Variants in TMED3 observed in about 807,000 individuals in gnomAD.
TMED3 encodes the protein transmembrane emp24 domain-containing protein 3.
TMED3 carries 9 observed loss-of-function variants against 15.0 expected under a neutral mutation model. That is an observed-to-expected ratio of 0.60 (90% confidence interval 0.36 to 1.04). The LOEUF (loss-of-function observed/expected upper bound fraction) is 1.04, where lower values mean the gene tolerates loss of function less well. TMED3 is among the 50% of genes least tolerant of loss of function. TMED3 has a pLI of 0.01. For synonymous variants in TMED3, 117 were observed against 121.4 expected (o/e 0.96, Z 0.24); for missense variants, 267 against 278.9 (o/e 0.96, Z 0.30).
Position 79,311,339 on chromosome 15 carries a change from C to A in TMED3, c.90C>A (p.Thr30=). 6.2e-7 allele frequency: 1 copy of A among 1,611,490 alleles called. No homozygotes were observed. Among genetic ancestry groups the A allele is most frequent in the Non-Finnish European group, 8.5e-7 (1 of 1,179,316 alleles). ...RAEQPCGAEL[T]FELPDNAKQC... is the part of the protein sequence containing the mutation. ...AGCAGCCCTGCGGGGCCGAGCTCAC[C>A]TTCGAGCTGCCGGACAACGCCAAGC... The change falls in exon 1 of 3, where the codon ACC becomes ACA. Residue 30 remains threonine (T), a synonymous_variant. Coordinates refer to ENST00000299705, the MANE Select transcript of TMED3 (RefSeq NM_007364.4).
intron 2 of TMED3, among the ~76,000 whole-genome samples, chr15:79,393,833 C>G (rs1595909853): frequency 6.6e-6 from 1 of 152,242 alleles, no homozygotes; most frequent in East Asian, 1.9e-4. Flanking sequence ...GTATCTGGGA[C>G]CGCAGGTGCA....
At chr15:79,311,502 C>A in intron 1 of TMED3, 85 bp downstream of exon 1, 1 of 1,457,788 alleles carries the variant, frequency 6.9e-7, no homozygotes, top group East Asian at 2.5e-5. Flanking sequence ...ACTGGAGGCG[C>A]TCGAATTAGC....
At chr15:79,398,891 A>G (rs1267534975) in intron 2 of TMED3, among the ~76,000 whole-genome samples, 1 of 152,074 alleles carries the variant, frequency 6.6e-6, no homozygotes, top group Non-Finnish European at 1.5e-5. Flanking sequence ...CAGTCTACCA[A>G]TTTAAATGTT....
At chr15:79,381,693 T>C (rs16970893) in intron 2 of TMED3, among the ~76,000 whole-genome samples, 1,833 of 152,310 alleles carry the variant, frequency 0.012, 83 homozygotes, top group East Asian at 0.11. Context: ...GGCTTGGTCT[T>C]ATTAGAGCTA....
At chr15:79,393,083 T>A (rs1055012501) in intron 2 of TMED3, among the ~76,000 whole-genome samples, 1 of 152,224 alleles carries the variant, frequency 6.6e-6, no homozygotes, top group African/African-American at 2.4e-5. Flanking sequence ...AGGTTTTAGT[T>A]CAGTTATTTT....
intron 2 of TMED3, among the ~76,000 whole-genome samples, chr15:79,406,609 C>G (rs1311572526): frequency 6.6e-6 from 1 of 152,198 alleles, no homozygotes; most frequent in African/African-American, 2.4e-5. Context: ...CTCAAGGAAG[C>G]AATAGGTCCT....
At chr15:79,393,099 T>C (rs1291469133) in intron 2 of TMED3, among the ~76,000 whole-genome samples, 1 of 152,274 alleles carries the variant, frequency 6.6e-6, no homozygotes, top group Non-Finnish European at 1.5e-5. Flanking sequence ...ATTTTCCATT[T>C]CTTCTTTATT....
In TMED3 at chr15:79,354,335, A is replaced by G. The variant is rs191100878; in HGVS notation, c.417+40330A>G. 1.6e-3 allele frequency among the ~76,000 whole-genome samples: 249 copies of G among 152,282 alleles called. 4 individuals carry two copies. The highest frequency in any genetic ancestry group is 5.8e-3 in the African/African-American group (240 of 41,560). ...ATCTAGAACATCCAAGTCCTTGACC[A>G]ACAGTTTCCTTAAGTACAGTGAGCC... On this transcript the variant is annotated intron_variant, in intron 2 of 2. Coordinates refer to the TMED3 transcript ENST00000424155.
At chr15:79,371,060 C>T (rs1387016306) in intron 2 of TMED3, among the ~76,000 whole-genome samples, 1 of 152,220 alleles carries the variant, frequency 6.6e-6, no homozygotes, top group African/African-American at 2.4e-5. Context: ...TCTGCCCATG[C>T]TTGAAACTGC....
chr15:79,386,962 CGTTCT>C (rs1294672132), intron 2 of TMED3, among the ~76,000 whole-genome samples: 1 of 137,626 alleles, frequency 7.3e-6, no homozygotes, highest in Non-Finnish European at 1.5e-5. Context: ...GACAATGTCT[CGTTCT>C]GTCACCCAGG....
At chr15:79,312,114 G>C (rs769780002) in intron 1 of TMED3, among the ~76,000 whole-genome samples, 1 of 152,224 alleles carries the variant, frequency 6.6e-6, no homozygotes, top group Non-Finnish European at 1.5e-5. Context: ...TTAGTGAGCA[G>C]GTCTAGGGTT....
At chr15:79,381,146 T>G (rs1486865926) in intron 2 of TMED3, among the ~76,000 whole-genome samples, 1 of 152,164 alleles carries the variant, frequency 6.6e-6, no homozygotes, top group Non-Finnish European at 1.5e-5. Context: ...AAATCTTAGC[T>G]TTTTAGTGCA....
intron 2 of TMED3, among the ~76,000 whole-genome samples, chr15:79,379,860 A>G (rs1007882333): frequency 6.6e-6 from 1 of 152,214 alleles, no homozygotes; most frequent in African/African-American, 2.4e-5. Context: ...ATAAGCTGAA[A>G]TAAGGTAATG....
At position 79,380,363 on chromosome 15, in the gene TMED3, T is replaced by C. The variant is rs28459403; in HGVS notation, c.418-31037T>C. On this transcript the variant is annotated intron_variant, in intron 2 of 2. Transcript: ENST00000424155. ...AGACTCTGTCTCAACTATATATATA[T>C]AGAGAGAGTTATACACATATATATA... Among the ~76,000 whole-genome samples, 286 of 149,132 alleles carry C rather than the reference T, an allele frequency of 1.9e-3. 1 individual carries two copies. The highest frequency in any genetic ancestry group is 6.6e-3 in the African/African-American group (269 of 40,734).
intron 2 of TMED3, among the ~76,000 whole-genome samples, chr15:79,380,143 G>A (rs201609325): frequency 1.3e-5 from 2 of 152,156 alleles, no homozygotes; most frequent in East Asian, 1.9e-4. Flanking sequence ...ACGAGGTCAG[G>A]AGTTCGAGAC....
At chr15:79,360,453 G>C (rs920742149) in intron 2 of TMED3, among the ~76,000 whole-genome samples, 1 of 152,188 alleles carries the variant, frequency 6.6e-6, no homozygotes, top group Non-Finnish European at 1.5e-5. Flanking sequence ...GCATAAGAAA[G>C]ACTTGTTTTG....
At chr15:79,400,682 T>C (rs899322205) in intron 2 of TMED3, among the ~76,000 whole-genome samples, 1 of 152,224 alleles carries the variant, frequency 6.6e-6, no homozygotes, top group African/African-American at 2.4e-5. Flanking sequence ...ATAACAATTA[T>C]CTCATTTAAT....
At chr15:79,331,139 G>A (rs1333394969) in intron 2 of TMED3, among the ~76,000 whole-genome samples, 1 of 152,096 alleles carries the variant, frequency 6.6e-6, no homozygotes, top group Admixed American at 6.5e-5. Flanking sequence ...AGCACCAAGA[G>A]GTGCTAAACC....
chr15:79,380,938 C>A (rs1274293054), intron 2 of TMED3, among the ~76,000 whole-genome samples: 1 of 152,040 alleles, frequency 6.6e-6, no homozygotes, highest in African/African-American at 2.4e-5. Context: ...CAGCTCAGGG[C>A]AATGCACAAT....
Sources: gnomAD v4.1 joint callset for allele counts (sites outside exome capture counted in the v4.1 genomes callset) on GRCh38, gnomAD v4.1.1 for gene constraint, MANE v1.5 for transcripts, NCBI Gene and HGNC (gene_info 2026-07-23, HGNC 2026-07-21) for gene names.